NTRK3: variants seen among roughly 807,000 people sequenced by gnomAD.
NTRK3 encodes neurotrophic receptor tyrosine kinase 3, also known as NT-3 growth factor receptor.
In NTRK3, 24 loss-of-function variants were observed where a neutral mutation model predicts 91.7. The observed-to-expected ratio is 0.26, with a 90% CI of 0.19 to 0.37. NTRK3 has a LOEUF of 0.37. Among genes scored for constraint, NTRK3 ranks in the 10% least tolerant of loss-of-function variants. The pLI is 1.00. For missense variants in NTRK3, 880 were observed against 1,068.9 expected, an observed-to-expected ratio of 0.82 and a Z score of 2.46; for synonymous variants, 483 against 404.0, an observed-to-expected ratio of 1.20 and a Z score of -2.34.
Position 88,136,715 on chromosome 15 carries a change from A to G in NTRK3, c.623-106T>C, listed in dbSNP as rs1423874126. ...GCACTTCTTGCCTTGCCCAGTAATG[A>G]CTCTAACACCACCTGCTTGAGTTCT... On this transcript the variant is annotated intron_variant, in intron 7 of 18. Transcript: ENST00000394480. The G allele has an allele frequency of 3.7e-6, 5 of 1,367,040 alleles. No homozygotes were observed. The East Asian group carries it at 1.3e-4, about 34-fold the overall frequency. 84.7% of individuals were successfully genotyped at this position (1,367,040 alleles called of 1,614,324 possible). A position where few individuals can be genotyped will look rare whatever the true frequency, so the allele number is the denominator to read the frequency against.
At chr15:88,055,682 CTCAA>C (rs1208594332) in intron 13 of NTRK3, among the ~76,000 whole-genome samples, 1 of 152,124 alleles carries the variant, frequency 6.6e-6, no homozygotes, top group East Asian at 1.9e-4. Flanking sequence ...CCCAAGTTCA[CTCAA>C]TCAACCAAAC....
In NTRK3 at chr15:87,948,220, A is replaced by G. The variant is rs79053258; in HGVS notation, c.1586-7467T>C. On this transcript the variant is annotated intron_variant, in intron 14 of 18. Coordinates refer to ENST00000394480, the Ensembl canonical transcript of NTRK3. Reference sequence around the variant, plus strand: ...CTGGACAGAAGAGTAGAGCATGGCTAAACTATTCAAACCACCACTCCTGCA... The same window carrying G: ...CTGGACAGAAGAGTAGAGCATGGCTGAACTATTCAAACCACCACTCCTGCA... 6.0e-3 allele frequency among the ~76,000 whole-genome samples: 908 copies of G among 152,336 alleles called. 15 individuals carry two copies. Among genetic ancestry groups the G allele is most frequent in the East Asian group, 0.033 (173 of 5,176 alleles).
intron 3 of NTRK3, among the ~76,000 whole-genome samples, chr15:88,200,579 A>G (rs528669330): frequency 6.6e-6 from 1 of 152,192 alleles, no homozygotes; most frequent in Non-Finnish European, 1.5e-5. Flanking sequence ...TGATGGTTTT[A>G]TAAGGGGCTC....
chr15:88,254,667 C>A (rs1308118108), intron 3 of NTRK3, among the ~76,000 whole-genome samples: 2 of 152,144 alleles, frequency 1.3e-5, no homozygotes, highest in East Asian at 3.9e-4. Context: ...AGAGCAGCAC[C>A]AAAGGCAGGT....
exon 19 of NTRK3, chr15:87,874,513 C>A (rs980014724): frequency 8.6e-6 from 2 of 232,776 alleles, no homozygotes; most frequent in Non-Finnish European, 1.7e-5. Context: ...CAGTTTTCCA[C>A]CCATCTCCAA....
exon 19 of NTRK3, chr15:87,864,760 GAAGA>G (rs1168708963): frequency 4.4e-6 from 1 of 228,866 alleles, no homozygotes; most frequent in Admixed American, 5.7e-5. Context: ...AAAATTTAAG[GAAGA>G]TATGCCTCAA....
At chr15:87,982,330 G>A (rs2074360138) in intron 14 of NTRK3, among the ~76,000 whole-genome samples, 1 of 152,178 alleles carries the variant, frequency 6.6e-6, no homozygotes, top group South Asian at 2.1e-4. Context: ...GGGAAGAGCA[G>A]GGGAGCCCAG....
Position 88,127,193 on chromosome 15 carries a change from AC to A in NTRK3, c.1261del (p.Val421Ter). 1 of 1,614,130 alleles carries A rather than the reference AC, an allele frequency of 6.2e-7. No homozygotes were observed. The highest frequency in any genetic ancestry group is 8.5e-7 in the Non-Finnish European group (1 of 1,180,028). On this transcript the variant is annotated frameshift_variant, in exon 12 of 19. Coordinates refer to ENST00000394480, the Ensembl canonical transcript of NTRK3. LOFTEE classifies it high-confidence loss of function. ...AGTGTCTTCTTCTGGTTTGTGGGTC[AC>A]AGTGATAGGAGGTGTGGGACTCACT...
At chr15:88,196,418 G>A (rs2047827113) in intron 3 of NTRK3, among the ~76,000 whole-genome samples, 2 of 152,220 alleles carry the variant, frequency 1.3e-5, no homozygotes, top group Non-Finnish European at 2.9e-5. Flanking sequence ...GGGCTGGGAT[G>A]GGGGCTGCAG....
rs75760103 is a variant in NTRK3, at chr15:88,102,260, C to T, written c.1396+24011G>A. On this transcript the variant is annotated intron_variant, in intron 13 of 18. Coordinates refer to ENST00000394480, the Ensembl canonical transcript of NTRK3. The stretch of plus-strand genomic sequence containing the variant: ...AGCATAAGAGGCATTCTAGAAGGTG[C>T]TTCTAATTCTTCATGAATTGCTAGA... Among the ~76,000 whole-genome samples the T allele has an allele frequency of 4.7e-3, 711 of 152,236 alleles. 3 individuals carry two copies. Among genetic ancestry groups the T allele is most frequent in the African/African-American group, 0.017 (691 of 41,530 alleles).
intron 14 of NTRK3, among the ~76,000 whole-genome samples, chr15:87,974,407 A>G (rs1386728235): frequency 6.6e-6 from 1 of 152,172 alleles, no homozygotes; most frequent in Non-Finnish European, 1.5e-5. Flanking sequence ...GACAGTGGGT[A>G]GTCAGACAAG....
At chr15:87,912,369 C>G (rs2067133860) in intron 17 of NTRK3, among the ~76,000 whole-genome samples, 1 of 152,132 alleles carries the variant, frequency 6.6e-6, no homozygotes, top group South Asian at 2.1e-4. Flanking sequence ...AACTCTCATC[C>G]CTTGAAAAAC....
At chr15:87,938,904 A>G (rs544750645) in intron 15 of NTRK3, among the ~76,000 whole-genome samples, 163 of 152,318 alleles carry the variant, frequency 1.1e-3, no homozygotes, top group African/African-American at 3.8e-3. Context: ...TATTTACAGG[A>G]TGTACAGCAA....
chr15:87,877,245 A>G, intron 18 of NTRK3, 125 bp from the exon 20 acceptor site: 1 of 986,026 alleles, frequency 1.0e-6, no homozygotes. Context: ...TCTCACAAGC[A>G]CAAGCTAAAG....
chr15:87,908,854 G>A (rs1480060377), intron 17 of NTRK3, among the ~76,000 whole-genome samples: 1 of 151,846 alleles, frequency 6.6e-6, no homozygotes, highest in African/African-American at 2.4e-5. Context: ...CCCAGCACAT[G>A]ACACCCAGCT....
At chr15:88,120,923 G>C (rs2052634925) in intron 13 of NTRK3, among the ~76,000 whole-genome samples, 1 of 152,172 alleles carries the variant, frequency 6.6e-6, no homozygotes, top group Non-Finnish European at 1.5e-5. Context: ...GGGCACATTA[G>C]CCTAATAAGC....
chr15:87,970,113 A>T lies in NTRK3; in HGVS notation c.1586-29360T>A, dbSNP rs556984802. Among the ~76,000 whole-genome samples, 7 of 152,318 alleles carry T rather than the reference A, an allele frequency of 4.6e-5. No homozygotes were observed. In the East Asian group the frequency reaches 1.3e-3, roughly 29 times the overall value. ...AAACTCTACTAGCTACTCAGAGACA[A>T]ATATGGAACAAGGAAAGGTAACTTA... is the stretch of plus-strand genomic sequence containing the variant. On this transcript the variant is annotated intron_variant, in intron 14 of 18. Transcript: ENST00000394480.
At chr15:87,880,085 A>G (rs2065158613) in intron 18 of NTRK3, among the ~76,000 whole-genome samples, 185 bp downstream of exon 19, 1 of 151,954 alleles carries the variant, frequency 6.6e-6, no homozygotes, top group Non-Finnish European at 1.5e-5. Context: ...TGACAATTAC[A>G]CCACATTTCC....
rs76496393 is a variant in NTRK3 at position 87,874,702 on chromosome 15, A to T, written c.*2233T>A. 1,996 of 232,664 alleles carry T rather than the reference A, an allele frequency of 8.6e-3. 32 individuals are homozygous for T. The highest frequency in any genetic ancestry group is 0.041 in the African/African-American group (1,881 of 45,376). 14.4% of individuals were successfully genotyped at this position (232,664 alleles called of 1,614,324 possible). On this transcript the variant is annotated 3_prime_UTR_variant, in exon 19 of 19. Coordinates refer to ENST00000394480, the Ensembl canonical transcript of NTRK3. ...ATACTTTTCCCTCAGGCGCCTCCAG[A>T]CCATGCCCTCCCTGAACACCTGTTC...
Sources: allele counts gnomAD v4.1 joint callset (sites outside exome capture counted in the v4.1 genomes callset), GRCh38; gene constraint gnomAD v4.1.1; transcripts MANE v1.5; gene names NCBI Gene and HGNC (gene_info 2026-07-23, HGNC 2026-07-21).